Variants in LGSN observed in about 807,000 individuals in gnomAD.
LGSN encodes lengsin.
LGSN carries 21 observed loss-of-function variants against 19.5 expected under a neutral mutation model. That is an observed-to-expected ratio of 1.07 (90% CI 0.76 to 1.55). The LOEUF (loss-of-function observed/expected upper bound fraction) is 1.55. Ranked by LOEUF, LGSN falls within the 40% of genes most tolerant of loss-of-function variation. LGSN has a pLI of 0.00. For missense variants in LGSN, 673 were observed against 608.5 expected (o/e 1.11, Z -1.12); for synonymous variants, 257 against 215.6 (o/e 1.19, Z -1.68).
intron 3 of LGSN, among the ~76,000 whole-genome samples, chr6:63,283,074 T>C (rs998373363): frequency 6.6e-6 from 1 of 152,214 alleles, no homozygotes; most frequent in African/African-American, 2.4e-5. Context: ...CCAATAGTCC[T>C]ATATGAACTC....
intron 1 of LGSN, among the ~76,000 whole-genome samples, chr6:63,317,009 C>T (rs947992933): frequency 1.3e-5 from 2 of 151,968 alleles, no homozygotes; most frequent in Non-Finnish European, 2.9e-5. Context: ...TTAGGAAAGC[C>T]TTAATAGGCT....
At chr6:63,456,778 C>T in the LGSN span, among the ~76,000 whole-genome samples, 1 of 152,054 alleles carries the variant, frequency 6.6e-6, no homozygotes, top group Non-Finnish European at 1.5e-5. Context: ...TTTTATAGCA[C>T]CCCCTTCATC....
chr6:63,280,844 T>C lies in LGSN; in HGVS notation c.707A>G (p.Asp236Gly). Reference sequence around the variant, plus strand: ...AACAAGTTCCTGCATGAAGGGCTGATCATGGTTATTTAAAAATGTTAAAGC... The same window carrying C: ...AACAAGTTCCTGCATGAAGGGCTGACCATGGTTATTTAAAAATGTTAAAGC... ...FPALTFLNNH[D>G]QPFMQELVDG... The change falls in exon 4 of 4, where the codon GAT becomes GGT. Residue 236 changes from aspartate to glycine, a missense_variant. Physicochemically the swap from Asp to Gly is moderately conservative, Grantham distance 94. Coordinates refer to ENST00000370657, the MANE Select transcript of LGSN (RefSeq NM_016571.3). The C allele has an allele frequency of 6.2e-7, 1 of 1,614,048 alleles. No individual in the cohort carries two copies. The highest frequency in any genetic ancestry group is 1.7e-5 in the Admixed American group (1 of 60,014).
chr6:63,319,988 A>G (rs1392931475), upstream of LGSN: 3 of 1,423,308 alleles, frequency 2.1e-6, no homozygotes, highest in Non-Finnish European at 3.0e-6. Flanking sequence ...AATATCCTCA[A>G]CAAATGCATT....
chr6:63,349,898 C>T, the LGSN span, among the ~76,000 whole-genome samples: 7 of 152,152 alleles, frequency 4.6e-5, 1 homozygote, highest in Non-Finnish European at 8.8e-5. Flanking sequence ...CACTTCTCAA[C>T]GCATTCTGGT....
At chr6:63,336,331 C>G in the LGSN span, among the ~76,000 whole-genome samples, 1 of 151,842 alleles carries the variant, frequency 6.6e-6, no homozygotes, top group Non-Finnish European at 1.5e-5. Flanking sequence ...ATAAATGTAA[C>G]AAAGATTCAC....
chr6:63,523,215 C>A, the LGSN span, among the ~76,000 whole-genome samples: 2 of 152,018 alleles, frequency 1.3e-5, no homozygotes, highest in Non-Finnish European at 2.9e-5. Flanking sequence ...TCATCAAAAA[C>A]AACTATAAAG....
the LGSN span, among the ~76,000 whole-genome samples, chr6:63,360,923 C>G: frequency 5.9e-5 from 9 of 152,352 alleles, no homozygotes; most frequent in East Asian, 1.5e-3. Context: ...GAGGTCCACT[C>G]CAGACCCTGT....
At chr6:63,374,734 T>C in the LGSN span, among the ~76,000 whole-genome samples, 1 of 152,238 alleles carries the variant, frequency 6.6e-6, no homozygotes, top group Admixed American at 6.5e-5. Context: ...ATGGTTTTTC[T>C]TGTCTTCCCC....
At chr6:63,534,207 T>C in the LGSN span, among the ~76,000 whole-genome samples, 1 of 152,062 alleles carries the variant, frequency 6.6e-6, no homozygotes, top group Non-Finnish European at 1.5e-5. Context: ...TCAGAATGTA[T>C]GGCAATTACG....
At chr6:63,461,758 T>C in the LGSN span, among the ~76,000 whole-genome samples, 1 of 152,226 alleles carries the variant, frequency 6.6e-6, no homozygotes. Context: ...TTCTCTACTT[T>C]CTATTAATTT....
the LGSN span, among the ~76,000 whole-genome samples, chr6:63,562,674 T>C: frequency 6.6e-6 from 1 of 152,202 alleles, no homozygotes; most frequent in Non-Finnish European, 1.5e-5. Context: ...AAGAGCACAA[T>C]AAGTTTTAGC....
the LGSN span, chr6:63,480,182 G>T: frequency 9.0e-6 from 2 of 221,030 alleles, no homozygotes; most frequent in South Asian, 8.6e-5. Flanking sequence ...GGTGCACAAT[G>T]GTTACCTGGC....
At chr6:63,411,345 A>G in the LGSN span, among the ~76,000 whole-genome samples, 24 of 152,294 alleles carry the variant, frequency 1.6e-4, no homozygotes, top group Non-Finnish European at 2.6e-4. Flanking sequence ...AAAGTAGGCA[A>G]GGGCATCAGA....
the LGSN span, among the ~76,000 whole-genome samples, chr6:63,412,525 A>AGAAG: frequency 1.3e-4 from 11 of 84,246 alleles, no homozygotes; most frequent in Non-Finnish European, 2.4e-4. Flanking sequence ...AAAGAAAGAA[A>AGAAG]GAAGGAAAGA....
At chr6:63,456,346 A>AATATATATATATAT in the LGSN span, among the ~76,000 whole-genome samples, 62 of 100,492 alleles carry the variant, frequency 6.2e-4, 12 homozygotes, top group South Asian at 9.8e-4. Context: ...ACTTGGCAGA[A>AATATATATATATAT]ATATACATAT....
chr6:63,441,022 C>A, the LGSN span: 1 of 170,130 alleles, frequency 5.9e-6, no homozygotes, highest in Non-Finnish European at 1.2e-5. Context: ...GCCTGACCAA[C>A]ACGGAGAAAC....
At chr6:63,369,651 T>C in the LGSN span, among the ~76,000 whole-genome samples, 2 of 152,208 alleles carry the variant, frequency 1.3e-5, no homozygotes, top group Non-Finnish European at 1.5e-5. Context: ...AGAGAACTGT[T>C]AGACTTATAT....
the LGSN span, among the ~76,000 whole-genome samples, chr6:63,451,822 T>C: frequency 1.3e-5 from 2 of 152,232 alleles, no homozygotes; most frequent in South Asian, 2.1e-4. Context: ...TCAATTGAGA[T>C]GGTCACACAA....
Sources: gnomAD v4.1 joint callset for allele counts (sites outside exome capture counted in the v4.1 genomes callset) on GRCh38, gnomAD v4.1.1 for gene constraint, MANE v1.5 for transcripts, NCBI Gene and HGNC (gene_info 2026-07-23, HGNC 2026-07-21) for gene names.